TFPI: variants seen among roughly 807,000 people sequenced by gnomAD.
TFPI encodes the protein anti-convertin.
Under a neutral mutation model 34.6 loss-of-function variants are expected in TFPI, and 15 were observed. The ratio of observed to expected loss-of-function variants is 0.43; its 90% CI spans 0.29 to 0.67. The LOEUF (loss-of-function observed/expected upper bound fraction) is 0.67. Among genes scored for constraint, TFPI ranks in the 30% least tolerant of loss-of-function variants. The pLI is 0.15. For synonymous variants in TFPI, 105 were observed against 120.1 expected (o/e 0.87, Z 0.82); for missense variants, 301 against 364.0 (o/e 0.83, Z 1.41).
rs8176587 is a variant in TFPI at position 187,469,110 on chromosome 2, T to C, written c.629-1178A>G. Among the ~76,000 whole-genome samples the C allele has an allele frequency of 3.5e-3, 526 of 152,154 alleles. 3 individuals are homozygous for C. The highest frequency in any genetic ancestry group is 0.012 in the African/African-American group (504 of 41,550). On this transcript the variant is annotated intron_variant, in intron 6 of 7. Transcript: ENST00000233156. ...AAAATGAAAAAAAATCTCAAATTGA[T>C]ATAAACATTTTTTACCACCTCCTGC...
chr2:187,501,705 A>G (rs1030336377), intron 2 of TFPI, among the ~76,000 whole-genome samples: 8 of 152,142 alleles, frequency 5.3e-5, no homozygotes, highest in Admixed American at 1.3e-4. Context: ...CTGCAAACTC[A>G]GGTCTGTCTG....
intron 1 of TFPI, among the ~76,000 whole-genome samples, chr2:187,511,297 T>C (rs772086239): frequency 6.6e-6 from 1 of 152,192 alleles, no homozygotes; most frequent in African/African-American, 2.4e-5. Flanking sequence ...GTACCAGCAC[T>C]TTGGTTTTTG....
At chr2:187,543,404 A>G (rs1189548191) in intron 1 of TFPI, among the ~76,000 whole-genome samples, 1 of 152,258 alleles carries the variant, frequency 6.6e-6, no homozygotes, top group Non-Finnish European at 1.5e-5. Context: ...GAAATGCTGT[A>G]CACAAAAATA....
At chr2:187,547,364 G>A (rs1688919763) in intron 1 of TFPI, 1 of 152,116 alleles carries the variant, frequency 6.6e-6, no homozygotes, top group South Asian at 2.1e-4. Flanking sequence ...CAATAAACAT[G>A]ACAAATAATG....
At chr2:187,486,502 TAAAC>T (rs200526296) in intron 4 of TFPI, among the ~76,000 whole-genome samples, 2,461 of 151,556 alleles carry the variant, frequency 0.016, 26 homozygotes, top group Non-Finnish European at 0.019. Flanking sequence ...AAATTAAAAA[TAAAC>T]AAACAAAACC....
At chr2:187,476,873 G>A (rs149189216) in intron 6 of TFPI, among the ~76,000 whole-genome samples, 2 of 152,120 alleles carry the variant, frequency 1.3e-5, no homozygotes, top group South Asian at 2.1e-4. Flanking sequence ...TTATTAGTTT[G>A]TAGCTTGCAT....
intron 4 of TFPI, among the ~76,000 whole-genome samples, 165 bp from the exon 5 acceptor site, chr2:187,485,152 AC>A (rs576194191): frequency 3.3e-5 from 5 of 151,822 alleles, no homozygotes; most frequent in Non-Finnish European, 7.4e-5. Context: ...AAAATTATCT[AC>A]CATATTTTGG....
At chr2:187,509,640 A>G (rs1352847455) in intron 1 of TFPI, among the ~76,000 whole-genome samples, 1 of 151,980 alleles carries the variant, frequency 6.6e-6, no homozygotes, top group African/African-American at 2.4e-5. Flanking sequence ...ATCAGTGGTG[A>G]TATCCCCTTT....
At chr2:187,530,977 G>A (rs77589957) in intron 1 of TFPI, among the ~76,000 whole-genome samples, 1,902 of 152,238 alleles carry the variant, frequency 0.012, 43 homozygotes, top group African/African-American at 0.044. Context: ...TATTAGGGAA[G>A]ACAATTATTA....
chr2:187,516,923 C>T (rs983338639), intron 1 of TFPI: 3 of 152,206 alleles, frequency 2.0e-5, no homozygotes, highest in African/African-American at 7.2e-5. Flanking sequence ...CGCGGACCCC[C>T]TTAGAGTTGT....
intron 1 of TFPI, chr2:187,526,769 TCTA>T (rs1687700123): frequency 1.3e-5 from 2 of 152,174 alleles, no homozygotes. Context: ...ACTATTAATC[TCTA>T]AGCTCAATGA....
chr2:187,527,306 A>C (rs1687730010), intron 1 of TFPI: 1 of 152,180 alleles, frequency 6.6e-6, no homozygotes, highest in Middle Eastern at 3.2e-3. Flanking sequence ...CTGCAAATGG[A>C]TTTTTGTTAA....
intron 1 of TFPI, among the ~76,000 whole-genome samples, chr2:187,505,689 A>T (rs1686163378): frequency 6.6e-6 from 1 of 152,166 alleles, no homozygotes; most frequent in South Asian, 2.1e-4. Flanking sequence ...ACTAGCTCTG[A>T]TAGTTTTAGC....
chr2:187,493,377 G>A (rs897306175), intron 3 of TFPI, among the ~76,000 whole-genome samples: 4 of 152,114 alleles, frequency 2.6e-5, no homozygotes, highest in Non-Finnish European at 5.9e-5. Flanking sequence ...CCTGGGCCGG[G>A]TCCAGGAAAC....
At position 187,481,667 on chromosome 2, in the gene TFPI, C is replaced by T. The variant is rs190272185; in HGVS notation, c.628+2457G>A. ...AAAGGGAGGGAAGGGAGGGGAGGGGCGGGGAAGGGAAGGGAAGGAAATGCT... is the reference window on the plus strand; with the variant it reads ...AAAGGGAGGGAAGGGAGGGGAGGGGTGGGGAAGGGAAGGGAAGGAAATGCT... On this transcript the variant is annotated intron_variant, in intron 6 of 7. Coordinates refer to ENST00000233156, the MANE Select transcript of TFPI (RefSeq NM_006287.6). Among the ~76,000 whole-genome samples, 10 of 67,172 alleles carry T rather than the reference C, an allele frequency of 1.5e-4. No individual in the cohort carries two copies. The East Asian group carries it at 1.6e-3, about 11-fold the overall frequency. 44.1% of individuals were successfully genotyped at this position (67,172 alleles called of 152,430 possible).
intron 4 of TFPI, among the ~76,000 whole-genome samples, chr2:187,487,033 AAT>A (rs1693321838): frequency 1.3e-5 from 2 of 151,624 alleles, no homozygotes; most frequent in South Asian, 2.1e-4. Flanking sequence ...TTTCATATAT[AAT>A]ATGAGATAAG....
intron 1 of TFPI, among the ~76,000 whole-genome samples, chr2:187,540,207 T>G (rs1688504320): frequency 6.6e-6 from 1 of 152,158 alleles, no homozygotes; most frequent in Admixed American, 6.5e-5. Flanking sequence ...CCCGGCCACG[T>G]CATCCTCATT....
At chr2:187,553,602 G>C (rs1029769602) in intron 1 of TFPI, among the ~76,000 whole-genome samples, 1 of 152,134 alleles carries the variant, frequency 6.6e-6, no homozygotes, top group Non-Finnish European at 1.5e-5. Flanking sequence ...GCACAACATA[G>C]ACTTGATCGT....
In TFPI at chr2:187,484,977, A is replaced by T; in HGVS notation, c.369T>A (p.Asp123Glu). 6.8e-7 allele frequency: 1 copy of T among 1,477,948 alleles called. No individual in the cohort carries two copies. Among genetic ancestry groups the T allele is most frequent in the South Asian group, 1.5e-5 (1 of 66,020 alleles). The allele number at this position is 1,477,948 out of a possible 1,614,324, so 91.6% of individuals were successfully genotyped here. The change falls in exon 5 of 8, where the codon GAT becomes GAA. Residue 123 changes from aspartate to glutamate, a missense_variant. Asp to Glu is a conservative substitution (Grantham distance 45). Transcript: ENST00000233156. ...IKTTLQQEKPDFCFLEEDPGI... is the reference protein window; with the variant it reads ...IKTTLQQEKPEFCFLEEDPGI... ...CAGGATCTTCTTCCAAAAAGCAGAAATCTGGCTTTTCTAGAAATTATAAAA... is the reference window on the plus strand; with the variant it reads ...CAGGATCTTCTTCCAAAAAGCAGAATTCTGGCTTTTCTAGAAATTATAAAA...
Sources: allele counts gnomAD v4.1 joint callset (sites outside exome capture counted in the v4.1 genomes callset), GRCh38; gene constraint gnomAD v4.1.1; transcripts MANE v1.5; gene names NCBI Gene and HGNC (gene_info 2026-07-23, HGNC 2026-07-21).